ZNF365: variants seen among roughly 807,000 people sequenced by gnomAD.
ZNF365 encodes protein ZNF365.
A neutral mutation model predicts 35.0 loss-of-function variants in ZNF365; 22 were observed. That is an observed-to-expected ratio of 0.63 (90% confidence interval 0.45 to 0.90). The LOEUF is 0.90. Ranked by LOEUF, ZNF365 falls within the 40% of genes least tolerant of loss-of-function variation. The pLI is 0.00. For synonymous variants in ZNF365, 188 were observed against 196.2 expected, an observed-to-expected ratio of 0.96 and a Z score of 0.35; for missense variants, 448 against 500.3, an observed-to-expected ratio of 0.90 and a Z score of 1.00.
chr10:62,480,280 G>C (rs1415144645), exon 5 of ZNF365: 1 of 993,402 alleles, frequency 1.0e-6, no homozygotes, highest in Non-Finnish European at 1.2e-6. Context: ...AATAGTTATT[G>C]AGTAATTTAT....
At chr10:62,456,125 C>T (rs2132477133) in intron 3 of ZNF365, among the ~76,000 whole-genome samples, 1 of 152,234 alleles carries the variant, frequency 6.6e-6, no homozygotes, top group South Asian at 2.1e-4. Context: ...TTGAGCACTA[C>T]AAATGCTGCT....
At chr10:62,377,157 CT>C (rs1319789629) in intron 2 of ZNF365, among the ~76,000 whole-genome samples, 4 of 152,186 alleles carry the variant, frequency 2.6e-5, no homozygotes, top group Non-Finnish European at 4.4e-5. Context: ...TATCTAATTC[CT>C]TCTCAACTGG....
chr10:62,433,541 TG>T (rs1840363436), intron 3 of ZNF365, among the ~76,000 whole-genome samples: 1 of 152,150 alleles, frequency 6.6e-6, no homozygotes, highest in South Asian at 2.1e-4. Context: ...GATGAAAAAG[TG>T]GCTCTGAACA....
chr10:62,406,915 T>C (rs749436350), downstream of ZNF365, among the ~76,000 whole-genome samples: 4 of 152,198 alleles, frequency 2.6e-5, no homozygotes, highest in African/African-American at 4.8e-5. Flanking sequence ...CCTGCCGCTG[T>C]GTAGAGATTC....
chr10:62,407,171 A>G (rs1445523348), downstream of ZNF365, among the ~76,000 whole-genome samples: 6 of 152,182 alleles, frequency 3.9e-5, no homozygotes, highest in Non-Finnish European at 5.9e-5. Flanking sequence ...AGAAGCATGG[A>G]GGGGAGAAAC....
In ZNF365 at chr10:62,401,506, T is replaced by C; in HGVS notation, c.*1717T>C. The C allele has an allele frequency of 1.0e-6, 1 of 985,512 alleles. No individual in the cohort carries two copies. The highest frequency in any genetic ancestry group is 4.7e-5 in the South Asian group (1 of 21,286). 61.0% of individuals were successfully genotyped at this position (985,512 alleles called of 1,614,324 possible). ...GTTTATGGGGGGGGTAGATCATTCATGTGATATATAAGCAGCTATCAAGTG... is the reference window on the plus strand; with the variant it reads ...GTTTATGGGGGGGGTAGATCATTCACGTGATATATAAGCAGCTATCAAGTG... On this transcript the variant is annotated 3_prime_UTR_variant, in exon 5 of 5. Coordinates refer to ENST00000395254, the MANE Select transcript of ZNF365 (RefSeq NM_014951.3).
intron 3 of ZNF365, among the ~76,000 whole-genome samples, chr10:62,447,299 A>T (rs529503251): frequency 1.1e-4 from 17 of 152,180 alleles, no homozygotes; most frequent in African/African-American, 2.6e-4. Flanking sequence ...TAAACTAAAA[A>T]ATATATATAT....
intron 3 of ZNF365, among the ~76,000 whole-genome samples, chr10:62,392,726 G>A (rs1181204844): frequency 6.6e-6 from 1 of 152,146 alleles, no homozygotes; most frequent in Non-Finnish European, 1.5e-5. Flanking sequence ...CACCTCTCGG[G>A]TTCAAGTGAT....
chr10:62,463,094 C>T lies in ZNF365; in HGVS notation c.981+3297C>T, dbSNP rs906956946. 9.9e-5 allele frequency among the ~76,000 whole-genome samples: 15 copies of T among 152,280 alleles called. No individual in the cohort carries two copies. In the South Asian group the frequency reaches 2.7e-3, roughly 27 times the overall value. On this transcript the variant is annotated intron_variant, in intron 4 of 4. Coordinates refer to the ZNF365 transcript ENST00000395255. ...CTTTTGAGGGTTAAAAAACAAACAT[C>T]AAAGTGCACACATTGAAAAACAAAC...
At chr10:62,380,425 A>G (rs575293776) in intron 2 of ZNF365, among the ~76,000 whole-genome samples, 79 of 152,238 alleles carry the variant, frequency 5.2e-4, no homozygotes, top group Non-Finnish European at 9.4e-4. Context: ...CATGTAATAT[A>G]CAAAATCTGT....
chr10:62,432,274 G>A (rs148883684), intron 3 of ZNF365, among the ~76,000 whole-genome samples: 1 of 152,260 alleles, frequency 6.6e-6, no homozygotes. Flanking sequence ...GCAGTTTTTA[G>A]GAGAGCAGTT....
chr10:62,454,142 T>A (rs1589462609), intron 3 of ZNF365, among the ~76,000 whole-genome samples: 1 of 152,368 alleles, frequency 6.6e-6, no homozygotes, highest in East Asian at 1.9e-4. Flanking sequence ...CATTACACCT[T>A]CCTCATAGGG....
At position 62,402,102 on chromosome 10, in the gene ZNF365, T is replaced by C. The variant is rs1839839455; in HGVS notation, c.*2313T>C. 5 of 985,856 alleles carry C rather than the reference T, an allele frequency of 5.1e-6. No homozygotes were observed. Among genetic ancestry groups the C allele is most frequent in the Non-Finnish European group, 6.0e-6 (5 of 829,930 alleles). The allele number at this position is 985,856 out of a possible 1,614,324, so 61.1% of individuals were successfully genotyped here. A position where few individuals can be genotyped will look rare whatever the true frequency, so the allele number is the denominator to read the frequency against. ...GTCCTGTTTGTGTCTTATTTTTAAATATTTTCTTTGTCCACATGGGCCGTT... is the reference window on the plus strand; with the variant it reads ...GTCCTGTTTGTGTCTTATTTTTAAACATTTTCTTTGTCCACATGGGCCGTT... On this transcript the variant is annotated 3_prime_UTR_variant, in exon 5 of 5. Coordinates refer to ENST00000395254, the MANE Select transcript of ZNF365 (RefSeq NM_014951.3).
chr10:62,436,348 T>C (rs989612135), intron 3 of ZNF365, among the ~76,000 whole-genome samples: 1 of 151,912 alleles, frequency 6.6e-6, no homozygotes, highest in African/African-American at 2.4e-5. Context: ...TTAAACTAAG[T>C]GATTATTTTG....
At chr10:62,399,053 T>C (rs1564573995) in intron 4 of ZNF365, among the ~76,000 whole-genome samples, 1 of 152,194 alleles carries the variant, frequency 6.6e-6, no homozygotes, top group African/African-American at 2.4e-5. Context: ...CTTATTGAGG[T>C]ATAGTGTGGT....
chr10:62,465,089 C>A (rs1266101980), intron 4 of ZNF365, among the ~76,000 whole-genome samples: 1 of 152,246 alleles, frequency 6.6e-6, no homozygotes, highest in Admixed American at 6.5e-5. Context: ...TCCCAGGAAG[C>A]CCCCTACCCC....
intron 3 of ZNF365, among the ~76,000 whole-genome samples, chr10:62,413,719 G>T (rs1226748272): frequency 6.6e-6 from 1 of 152,164 alleles, no homozygotes; most frequent in Non-Finnish European, 1.5e-5. Flanking sequence ...ATTGGAATCT[G>T]CATCTTAATA....
chr10:62,375,449 T>G (rs1439431379), intron 1 of ZNF365: 2 of 152,278 alleles, frequency 1.3e-5, no homozygotes, highest in African/African-American at 4.8e-5. Context: ...GTATGGGGTC[T>G]GTTATTGTTA....
chr10:62,449,814 ATT>A (rs200049664), intron 3 of ZNF365, among the ~76,000 whole-genome samples: 2,087 of 141,662 alleles, frequency 0.015, 51 homozygotes, highest in African/African-American at 0.05. Context: ...AGCCTGGTTC[ATT>A]TTTTTTTTTT....
Sources: allele counts gnomAD v4.1 joint callset (sites outside exome capture counted in the v4.1 genomes callset), GRCh38; gene constraint gnomAD v4.1.1; transcripts MANE v1.5; gene names NCBI Gene and HGNC (gene_info 2026-07-23, HGNC 2026-07-21).